The following TTC14 variants were observed in gnomAD, a reference collection of about 807,000 sequenced individuals.
TTC14 encodes tetratricopeptide repeat domain 14, also known as tetratricopeptide repeat protein 14.
A neutral mutation model predicts 79.9 loss-of-function variants in TTC14; 63 were observed. The ratio of observed to expected loss-of-function variants is 0.79; its 90% CI spans 0.64 to 0.97. The LOEUF is 0.97. Among genes scored for constraint, TTC14 ranks in the 50% least tolerant of loss-of-function variants. The pLI is 0.00. For synonymous variants in TTC14, 335 were observed against 309.6 expected (o/e 1.08, Z -0.86); for missense variants, 895 against 894.0 (o/e 1.00, Z -0.01).
intron 11 of TTC14, chr3:180,609,118 T>C (rs1055675316): frequency 7.4e-6 from 6 of 814,586 alleles, no homozygotes; most frequent in Admixed American, 1.1e-4. Context: ...GGTGGATTTA[T>C]TCACCCGGGG....
chr3:180,607,725 A>T lies in TTC14; in HGVS notation c.1250A>T (p.Asp417Val), dbSNP rs767306796. The change falls in exon 10 of 12, where the codon GAT becomes GTT. Residue 417 changes from aspartate to valine, a missense_variant. Transcript: ENST00000296015. Reference protein sequence around the residue: ...KALALDETFKDAEDALQKLHK... With the variant: ...KALALDETFKVAEDALQKLHK... ...TTGGCTTTGGATGAGACTTTTAAAG[A>T]TGCAGAGGATGCTTTGCAGAAACTT... The T allele has an allele frequency of 6.2e-6, 10 of 1,612,236 alleles. No homozygotes were observed. The Admixed American group carries it at 1.7e-4, about 27-fold the overall frequency.
chr3:180,610,579 A>G lies in TTC14; in HGVS notation c.*37A>G, dbSNP rs370255783. The G allele has an allele frequency of 3.0e-5, 46 of 1,522,568 alleles. No individual in the cohort carries two copies. In the African/African-American group the frequency reaches 5.8e-4, roughly 19 times the overall value. The allele number at this position is 1,522,568 out of a possible 1,614,324, so 94.3% of individuals were successfully genotyped here. Reference sequence around the variant, plus strand: ...TATCGGCACCATTACACAAAATGCCATTAAGTGAAGTTTTTGGTTGTATTA... The same window carrying G: ...TATCGGCACCATTACACAAAATGCCGTTAAGTGAAGTTTTTGGTTGTATTA... On this transcript the variant is annotated 3_prime_UTR_variant, in exon 12 of 12. Coordinates refer to ENST00000296015, the MANE Select transcript of TTC14 (RefSeq NM_133462.4).
At chr3:180,616,004 TTC>T (rs202147998), downstream of TTC14, among the ~76,000 whole-genome samples, 781 of 152,304 alleles carry the variant, frequency 5.1e-3, 9 homozygotes, top group African/African-American at 0.018. Flanking sequence ...CCAAATTTAT[TTC>T]TGTTTTATCC....
Position 180,609,623 on chromosome 3 carries a change from T to C in TTC14, c.1401-7T>C, listed in dbSNP as rs768197692. 1.6e-5 allele frequency: 24 copies of C among 1,536,558 alleles called. No homozygotes were observed. Among genetic ancestry groups the C allele is most frequent in the Non-Finnish European group, 2.0e-5 (23 of 1,148,654 alleles). Reference sequence around the variant, plus strand: ...TATATATATGACAAATGAACTGTTTTTTTTAGGCTAAAGAAGAAAAGAAGA... The same window carrying C: ...TATATATATGACAAATGAACTGTTTCTTTTAGGCTAAAGAAGAAAAGAAGA... On this transcript the variant is annotated splice_region_variant and splice_polypyrimidine_tract_variant and intron_variant, in intron 11 of 11. Coordinates refer to ENST00000296015, the MANE Select transcript of TTC14 (RefSeq NM_133462.4).
chr3:180,617,843 T>C, downstream of TTC14: 1 of 183,704 alleles, frequency 5.4e-6, no homozygotes. Flanking sequence ...TAGGTGTACA[T>C]TATTTATCAT....
Position 180,610,577 on chromosome 3 carries a change from C to T in TTC14, c.*35C>T, listed in dbSNP as rs771648095. 6.6e-7 allele frequency: 1 copy of T among 1,522,030 alleles called. No homozygotes were observed. The highest frequency in any genetic ancestry group is 2.3e-5 in the East Asian group (1 of 44,206). The allele number at this position is 1,522,030 out of a possible 1,614,324, so 94.3% of individuals were successfully genotyped here. On this transcript the variant is annotated 3_prime_UTR_variant, in exon 12 of 12. Coordinates refer to ENST00000296015, the MANE Select transcript of TTC14 (RefSeq NM_133462.4). ...GATATCGGCACCATTACACAAAATGCCATTAAGTGAAGTTTTTGGTTGTAT... is the reference window on the plus strand; with the variant it reads ...GATATCGGCACCATTACACAAAATGTCATTAAGTGAAGTTTTTGGTTGTAT...
chr3:180,604,930 A>G lies in TTC14; in HGVS notation c.780A>G (p.Pro260=). The G allele has an allele frequency of 6.2e-7, 1 of 1,614,126 alleles. No individual in the cohort carries two copies. Among genetic ancestry groups the G allele is most frequent in the South Asian group, 1.1e-5 (1 of 91,080 alleles). ...VMQSSLGFVN[P]GVVEFLLEKL... ...AGAGTTCCTTGGGATTTGTTAATCC[A>G]GGAGTAGTTGAATTCCTTCTAGAAA... The change falls in exon 6 of 12, where the codon CCA becomes CCG. Residue 260 remains proline, a synonymous_variant. Transcript: ENST00000296015.
At chr3:180,602,582 C>T in intron 1 of TTC14, 160 bp downstream of exon 1, 3 of 1,005,648 alleles carry the variant, frequency 3.0e-6, no homozygotes, top group Admixed American at 2.9e-5. Context: ...GGGGGCGCTC[C>T]TGGGTTGTGC....
At chr3:180,617,317 T>C (rs1462334703) in intron 12 of TTC14, 1 of 488,290 alleles carries the variant, frequency 2.0e-6, no homozygotes. Flanking sequence ...TACTTGATAG[T>C]GATAATAAAA....
At position 180,609,780 on chromosome 3, in the gene TTC14, A is replaced by G; in HGVS notation, c.1551A>G (p.Arg517=). The G allele has an allele frequency of 6.2e-7, 1 of 1,614,026 alleles. No individual in the cohort carries two copies. Among genetic ancestry groups the G allele is most frequent in the Non-Finnish European group, 8.5e-7 (1 of 1,179,928 alleles). Residue 517 remains arginine, a synonymous_variant, in exon 12 of 12, where the codon AGA becomes AGG. Coordinates refer to ENST00000296015, the MANE Select transcript of TTC14 (RefSeq NM_133462.4). ...RNRSESSRSS[R]RHSSRASSNQ... is the part of the protein sequence containing the mutation. ...GTTCAGAGTCTTCTCGCAGTTCCAG[A>G]AGGCATTCATCTAGGGCATCCTCAA...
downstream of TTC14, chr3:180,615,005 G>T: frequency 1.3e-6 from 2 of 1,561,718 alleles, no homozygotes; most frequent in South Asian, 2.4e-5. Context: ...CTAGTGAAGA[G>T]GAGGCCGGGA....
At chr3:180,603,097 G>A (rs762804892) in intron 2 of TTC14, 27 bp from the exon 3 acceptor site, 2 of 1,610,590 alleles carry the variant, frequency 1.2e-6, no homozygotes, top group Non-Finnish European at 1.7e-6. Context: ...ACTATCGTTA[G>A]TGATTTTGTT....
chr3:180,617,527 A>C (rs768502086), exon 13 of TTC14: 4 of 646,228 alleles, frequency 6.2e-6, no homozygotes, highest in South Asian at 3.7e-5. Flanking sequence ...CAAGATATGG[A>C]GGTGGAAGAC....
downstream of TTC14, chr3:180,613,932 AAAC>A (rs1717118122): frequency 8.9e-5 from 39 of 436,772 alleles, no homozygotes; most frequent in South Asian, 6.5e-4. Flanking sequence ...AAAGAAGTAC[AAAC>A]AACAGTTCTA....
chr3:180,604,784 T>C, intron 5 of TTC14, 68 bp from the exon 6 acceptor site: 1 of 1,498,874 alleles, frequency 6.7e-7, no homozygotes, highest in Non-Finnish European at 9.0e-7. Context: ...CAAATGATAT[T>C]ATTTCTTTAC....
rs1313207459 is a variant in TTC14 at position 180,604,324 on chromosome 3, CATACTA to C, written c.571+19_571+24del. On this transcript the variant is annotated intron_variant, in intron 4 of 11. Coordinates refer to ENST00000296015, the MANE Select transcript of TTC14 (RefSeq NM_133462.4). ...CATCATTCGAGGTGATTAGTTTCAT[CATACTA>C]ATAAAAAAGTAATGATTGTTGAATT... The C allele has an allele frequency of 1.9e-6, 3 of 1,601,980 alleles. No homozygotes were observed. Among genetic ancestry groups the C allele is most frequent in the Non-Finnish European group, 2.6e-6 (3 of 1,173,056 alleles).
rs768734664 is a variant in TTC14, at chr3:180,610,555, A to G, written c.*13A>G. On this transcript the variant is annotated 3_prime_UTR_variant, in exon 12 of 12. Coordinates refer to ENST00000296015, the MANE Select transcript of TTC14 (RefSeq NM_133462.4). The stretch of plus-strand genomic sequence containing the variant: ...GTCAAAAAATTAATACACCAAGGAT[A>G]TCGGCACCATTACACAAAATGCCAT... 1.3e-6 allele frequency: 2 copies of G among 1,543,550 alleles called. No individual in the cohort carries two copies. The highest frequency in any genetic ancestry group is 1.7e-6 in the Non-Finnish European group (2 of 1,153,036).
chr3:180,616,901 C>T (rs1717267904), intron 12 of TTC14: 1 of 1,566,120 alleles, frequency 6.4e-7, no homozygotes, highest in Non-Finnish European at 8.8e-7. Flanking sequence ...AAGCCTGCTT[C>T]TCTGATAACT....
At chr3:180,611,322 C>G (rs1199306676), downstream of TTC14, among the ~76,000 whole-genome samples, 1 of 152,188 alleles carries the variant, frequency 6.6e-6, no homozygotes, top group Non-Finnish European at 1.5e-5. Flanking sequence ...GAAAAAAATC[C>G]TTTTAGCAAA....
Sources: allele counts gnomAD v4.1 joint callset (sites outside exome capture counted in the v4.1 genomes callset), GRCh38; gene constraint gnomAD v4.1.1; transcripts MANE v1.5; gene names NCBI Gene and HGNC (gene_info 2026-07-23, HGNC 2026-07-21).